SSPN: variants seen among roughly 807,000 people sequenced by gnomAD.
SSPN encodes the protein K-ras oncogene-associated protein.
In SSPN, 15 loss-of-function variants were observed where a neutral mutation model predicts 19.1. That is an observed-to-expected ratio of 0.78 (90% CI 0.52 to 1.21). The LOEUF is 1.21. Ranked by LOEUF, SSPN falls within the 50% of genes most tolerant of loss-of-function variation. The pLI is 0.00. For synonymous variants in SSPN, 147 were observed against 140.3 expected (o/e 1.05, Z -0.34); for missense variants, 291 against 314.0 (o/e 0.93, Z 0.55).
At chr12:26,223,450 T>G (rs1427584682) in intron 1 of SSPN, among the ~76,000 whole-genome samples, 1 of 152,256 alleles carries the variant, frequency 6.6e-6, no homozygotes, top group Non-Finnish European at 1.5e-5. Flanking sequence ...CCTCAGGTGA[T>G]CCACCCGCCT....
intron 1 of SSPN, among the ~76,000 whole-genome samples, chr12:26,136,421 G>A (rs1213284473): frequency 6.6e-6 from 1 of 152,144 alleles, no homozygotes; most frequent in Non-Finnish European, 1.5e-5. Flanking sequence ...TGTGACCTTG[G>A]ACAAATTATG....
chr12:26,159,660 C>G (rs1345825846), intron 1 of SSPN, among the ~76,000 whole-genome samples: 1 of 152,144 alleles, frequency 6.6e-6, no homozygotes, highest in Non-Finnish European at 1.5e-5. Flanking sequence ...GGCAGAAGGG[C>G]TGATGTGTGA....
chr12:26,122,406 C>T (rs1944317275), intron 1 of SSPN: 6 of 1,304,716 alleles, frequency 4.6e-6, no homozygotes, highest in Admixed American at 2.8e-5. Flanking sequence ...CTCCAGGCCG[C>T]TCTTGTCCAG....
intron 1 of SSPN, among the ~76,000 whole-genome samples, chr12:26,138,189 T>A (rs1944439776): frequency 6.6e-6 from 1 of 152,254 alleles, no homozygotes; most frequent in Non-Finnish European, 1.5e-5. Flanking sequence ...ACTGAATTTT[T>A]AAATTTGTAT....
intron 1 of SSPN, chr12:26,122,598 C>G: frequency 8.9e-7 from 1 of 1,120,746 alleles, no homozygotes; most frequent in Non-Finnish European, 1.1e-6. Context: ...AGGGTCGGGC[C>G]CCAGAAGCGC....
chr12:26,208,739 T>C (rs946453136), intron 1 of SSPN, among the ~76,000 whole-genome samples: 5 of 152,274 alleles, frequency 3.3e-5, no homozygotes, highest in African/African-American at 7.2e-5. Context: ...TGGTTTCTTT[T>C]TGCAATGATG....
At position 26,142,614 on chromosome 12, in the gene SSPN, T is replaced by G. The variant is rs142081567; in HGVS notation, c.-31+20462T>G. On this transcript the variant is annotated intron_variant, in intron 1 of 2. Transcript: ENST00000538142. ...AGAGGCATCTCAGAGGAAGCTGGAT[T>G]TAAGTCTGAATCTTGGGAAAGATCA... is the stretch of plus-strand genomic sequence containing the variant. Among the ~76,000 whole-genome samples, 47 of 152,306 alleles carry G rather than the reference T, an allele frequency of 3.1e-4. 1 individual carries two copies. The highest frequency in any genetic ancestry group is 9.4e-4 in the African/African-American group (39 of 41,566).
Position 26,234,300 on chromosome 12 carries a change from A to T in SSPN, c.*3224A>T, listed in dbSNP as rs1945264305. On this transcript the variant is annotated 3_prime_UTR_variant, in exon 3 of 3. Coordinates refer to ENST00000242729, the MANE Select transcript of SSPN (RefSeq NM_005086.5). ...ACTTAAAAGCTGCCCTGCAAAACCA[A>T]TCCTTTCCTATCATGAAGAGTACCT... 6.6e-6 allele frequency: 1 copy of T among 152,174 alleles called. No homozygotes were observed. The highest frequency in any genetic ancestry group is 2.4e-5 in the African/African-American group (1 of 41,428). 9.4% of individuals were successfully genotyped at this position (152,174 alleles called of 1,614,324 possible).
chr12:26,198,687 C>T (rs1327392454), intron 1 of SSPN, among the ~76,000 whole-genome samples: 2 of 152,154 alleles, frequency 1.3e-5, no homozygotes, highest in Admixed American at 6.5e-5. Context: ...TCAGTTTTGC[C>T]GTCTCACCTT....
chr12:26,207,418 A>T (rs968737030), intron 1 of SSPN, among the ~76,000 whole-genome samples: 5 of 152,188 alleles, frequency 3.3e-5, no homozygotes, highest in Non-Finnish European at 7.4e-5. Context: ...GAAAGGAAAC[A>T]TTACATTGTA....
intron 1 of SSPN, among the ~76,000 whole-genome samples, chr12:26,177,487 C>T (rs80152952): frequency 0.015 from 2,230 of 152,230 alleles, 31 homozygotes; most frequent in Non-Finnish European, 0.022. Context: ...GTGAAGGTGG[C>T]GGAAGTTCCC....
chr12:26,130,943 T>C (rs760926919), intron 1 of SSPN, among the ~76,000 whole-genome samples: 3 of 151,612 alleles, frequency 2.0e-5, no homozygotes, highest in Non-Finnish European at 2.9e-5. Context: ...TCCAATCCCA[T>C]TACAAGAGGT....
chr12:26,156,666 C>G (rs953441235), intron 1 of SSPN, among the ~76,000 whole-genome samples: 1 of 152,172 alleles, frequency 6.6e-6, no homozygotes, highest in African/African-American at 2.4e-5. Context: ...ACAATTGACA[C>G]ATTGCTGACT....
chr12:26,123,271 A>G (rs1161957309), intron 1 of SSPN: 2 of 1,393,734 alleles, frequency 1.4e-6, no homozygotes, highest in Non-Finnish European at 1.9e-6. Context: ...TGCATCGACT[A>G]AAGTGATCTC....
intron 1 of SSPN, among the ~76,000 whole-genome samples, chr12:26,201,307 G>T (rs1944882932): frequency 6.6e-6 from 1 of 151,260 alleles, no homozygotes; most frequent in Admixed American, 6.6e-5. Context: ...CAGCCTGGGA[G>T]GCAGAGGTTG....
At chr12:26,157,614 T>C (rs1207263224) in intron 1 of SSPN, among the ~76,000 whole-genome samples, 1 of 152,224 alleles carries the variant, frequency 6.6e-6, no homozygotes, top group African/African-American at 2.4e-5. Context: ...ACCCAGACTT[T>C]TGCGCTAGGC....
intron 1 of SSPN, among the ~76,000 whole-genome samples, chr12:26,156,514 C>T (rs1944556758): frequency 6.6e-6 from 1 of 152,160 alleles, no homozygotes; most frequent in Non-Finnish European, 1.5e-5. Flanking sequence ...GAAGAGGTCC[C>T]TCATCAAGGC....
rs180844012 is a variant in SSPN, at chr12:26,154,205, C to G, written c.-31+32053C>G. Among the ~76,000 whole-genome samples, 340 of 152,302 alleles carry G rather than the reference C, an allele frequency of 2.2e-3. 4 individuals carry two copies. The highest frequency in any genetic ancestry group is 5.4e-4 in the Non-Finnish European group (37 of 68,032). ...CTTTTCATTTAGGTCCCTGATATGT[C>G]AAAAGATGACAGGGTTCATGAAGAT... On this transcript the variant is annotated intron_variant, in intron 1 of 2. Transcript: ENST00000538142.
At chr12:26,124,884 T>A in intron 1 of SSPN, 1 of 1,123,054 alleles carries the variant, frequency 8.9e-7, no homozygotes, top group Non-Finnish European at 1.3e-6. Context: ...GCGTCTCCAG[T>A]CTCTCTCTCG....
Sources: allele counts gnomAD v4.1 joint callset (sites outside exome capture counted in the v4.1 genomes callset), GRCh38; gene constraint gnomAD v4.1.1; transcripts MANE v1.5; gene names NCBI Gene and HGNC (gene_info 2026-07-23, HGNC 2026-07-21).